Variants in STK33 observed in about 807,000 individuals in gnomAD.
STK33 encodes the protein serine/threonine-protein kinase 33.
STK33 carries 52 observed loss-of-function variants against 58.0 expected under a neutral mutation model. That is an observed-to-expected ratio of 0.90 (90% confidence interval 0.72 to 1.13). The LOEUF (loss-of-function observed/expected upper bound fraction) is 1.13. STK33 is among the 50% of genes most tolerant of loss of function. The pLI, the probability that STK33 is intolerant of heterozygous loss-of-function variation, is 0.00. For missense variants in STK33, 630 were observed against 604.2 expected (o/e 1.04, Z -0.45); for synonymous variants, 215 against 200.1 (o/e 1.07, Z -0.63).
chr11:8,472,952 C>A (rs1948919482), intron 6 of STK33, among the ~76,000 whole-genome samples: 1 of 152,190 alleles, frequency 6.6e-6, no homozygotes, highest in Admixed American at 6.5e-5. Flanking sequence ...ATGTTCTCCA[C>A]TTTAATTAAA....
At chr11:8,403,218 C>A (rs1337899726) in intron 15 of STK33, among the ~76,000 whole-genome samples, 1 of 152,164 alleles carries the variant, frequency 6.6e-6, no homozygotes, top group Non-Finnish European at 1.5e-5. Context: ...TACCATTGCA[C>A]ACTGGTCAGA....
At chr11:8,554,474 A>C (rs2140736393) in intron 1 of STK33, among the ~76,000 whole-genome samples, 1 of 152,094 alleles carries the variant, frequency 6.6e-6, no homozygotes, top group Admixed American at 6.6e-5. Flanking sequence ...CTACAAAGAC[A>C]TACAAACAGC....
chr11:8,419,395 T>C (rs1218292080), intron 14 of STK33, among the ~76,000 whole-genome samples: 1 of 152,192 alleles, frequency 6.6e-6, no homozygotes, highest in Non-Finnish European at 1.5e-5. Context: ...TGGTCACAGA[T>C]GTGAGGTCTT....
chr11:8,527,294 G>A (rs2140034543), intron 1 of STK33, among the ~76,000 whole-genome samples: 1 of 152,182 alleles, frequency 6.6e-6, no homozygotes, highest in Admixed American at 6.5e-5. Context: ...AAAGATAGAG[G>A]GAAAGAAAGC....
chr11:8,582,285 C>CA (rs1458365335), intron 1 of STK33, among the ~76,000 whole-genome samples: 1 of 152,072 alleles, frequency 6.6e-6, no homozygotes, highest in Non-Finnish European at 1.5e-5. Flanking sequence ...GAACTAAGGA[C>CA]AAAACTAAAA....
chr11:8,504,425 A>C (rs1398360360), intron 1 of STK33, among the ~76,000 whole-genome samples: 1 of 152,166 alleles, frequency 6.6e-6, no homozygotes, highest in Admixed American at 6.5e-5. Flanking sequence ...GCCTGTATCA[A>C]CTTGCAAGAG....
At chr11:8,415,408 T>C (rs1322130273) in intron 14 of STK33, among the ~76,000 whole-genome samples, 1 of 152,152 alleles carries the variant, frequency 6.6e-6, no homozygotes, top group Non-Finnish European at 1.5e-5. Flanking sequence ...CAGTGATTCA[T>C]GATTGGAAAT....
intron 1 of STK33, among the ~76,000 whole-genome samples, chr11:8,570,267 A>G (rs1213089792): frequency 1.3e-5 from 2 of 152,188 alleles, no homozygotes; most frequent in Admixed American, 6.5e-5. Context: ...ACAAAACCAA[A>G]TATTAGGGAA....
the STK33 span, among the ~76,000 whole-genome samples, chr11:8,362,910 C>CT: frequency 7.1e-5 from 2 of 28,238 alleles, no homozygotes; most frequent in Non-Finnish European, 1.7e-4. Flanking sequence ...CTCTCCCTTC[C>CT]TTCCTTCCTC....
At chr11:8,531,076 A>G (rs1178754289) in intron 1 of STK33, among the ~76,000 whole-genome samples, 1 of 152,242 alleles carries the variant, frequency 6.6e-6, no homozygotes, top group Non-Finnish European at 1.5e-5. Context: ...AATTAAATAC[A>G]TAGAAAGTAG....
At chr11:8,556,021 G>A (rs1453091529) in intron 1 of STK33, among the ~76,000 whole-genome samples, 3 of 152,280 alleles carry the variant, frequency 2.0e-5, no homozygotes, top group East Asian at 3.9e-4. Context: ...TAAGAAGGAG[G>A]TGAACAGATT....
intron 10 of STK33, among the ~76,000 whole-genome samples, chr11:8,454,083 T>A (rs1398433444): frequency 6.6e-6 from 1 of 152,216 alleles, no homozygotes; most frequent in Non-Finnish European, 1.5e-5. Flanking sequence ...TCCAGAACAT[T>A]TACTTGGGTA....
chr11:8,478,794 C>G (rs547430465), intron 2 of STK33, among the ~76,000 whole-genome samples: 97 of 151,224 alleles, frequency 6.4e-4, no homozygotes, highest in Non-Finnish European at 1.1e-3. Context: ...CAGACCAAGC[C>G]AAATGACTGA....
At chr11:8,427,461 G>A (rs771188391) in intron 14 of STK33, among the ~76,000 whole-genome samples, 2 of 151,316 alleles carry the variant, frequency 1.3e-5, no homozygotes, top group Non-Finnish European at 2.9e-5. Context: ...TCTCTTATTG[G>A]GTAGTCTATC....
chr11:8,358,002 C>T, the STK33 span, among the ~76,000 whole-genome samples: 3 of 152,238 alleles, frequency 2.0e-5, no homozygotes, highest in East Asian at 5.8e-4. Flanking sequence ...CAGAGTCTCT[C>T]TGGCCCCGCC....
At chr11:8,554,338 G>C (rs924467621) in intron 1 of STK33, among the ~76,000 whole-genome samples, 5 of 148,286 alleles carry the variant, frequency 3.4e-5, no homozygotes, top group Non-Finnish European at 7.4e-5. Context: ...AGAATCGCTT[G>C]AATCCGGGAG....
Position 8,413,499 on chromosome 11 carries a change from T to C in STK33, c.1340A>G (p.Lys447Arg), listed in dbSNP as rs1443525313. Residue 447 changes from lysine to arginine, a missense_variant, in exon 15 of 16, where the codon AAA (lysine) becomes AGA (arginine). By Grantham distance (26) the Lys-to-Arg change is conservative. Transcript: ENST00000687296. ...TGCAGCAATGATTCTTCCTACCTGT[T>C]TTTCCTCCTCTTCATCTGAAGTGTA... ...ANYTSDEEEE[K>R]QSTAYEKQFP... is the part of the protein sequence containing the mutation. 6.2e-7 allele frequency: 1 copy of C among 1,613,946 alleles called. No individual in the cohort carries two copies. The highest frequency in any genetic ancestry group is 1.1e-5 in the South Asian group (1 of 91,062).
the STK33 span, among the ~76,000 whole-genome samples, chr11:8,357,160 C>T: frequency 2.0e-5 from 3 of 152,270 alleles, no homozygotes; most frequent in East Asian, 5.8e-4. Flanking sequence ...CAAGTAATTA[C>T]AGCTCTTCAA....
intron 1 of STK33, among the ~76,000 whole-genome samples, chr11:8,557,143 T>A (rs1956794078): frequency 6.7e-6 from 1 of 149,508 alleles, no homozygotes; most frequent in Middle Eastern, 3.4e-3. Context: ...CCCAGCTACT[T>A]GGGAGGCTGA....
Sources: gnomAD v4.1 joint callset for allele counts (sites outside exome capture counted in the v4.1 genomes callset) on GRCh38, gnomAD v4.1.1 for gene constraint, MANE v1.5 for transcripts, NCBI Gene and HGNC (gene_info 2026-07-23, HGNC 2026-07-21) for gene names.